The following ITLN2 variants were observed in gnomAD, a reference collection of about 807,000 sequenced individuals.
ITLN2 encodes intelectin-2.
Under a neutral mutation model 39.4 loss-of-function variants are expected in ITLN2, and 29 were observed. The ratio of observed to expected loss-of-function variants is 0.74; its 90% CI spans 0.55 to 1.00. The LOEUF (loss-of-function observed/expected upper bound fraction) is 1.00, where lower values mean the gene tolerates loss of function less well. Among genes scored for constraint, ITLN2 ranks in the 50% least tolerant of loss-of-function variants. ITLN2 has a pLI of 0.00. For synonymous variants in ITLN2, 156 were observed against 153.4 expected (o/e 1.02, Z -0.12); for missense variants, 412 against 416.7 (o/e 0.99, Z 0.10).
intron 6 of ITLN2, among the ~76,000 whole-genome samples, chr1:160,948,344 AG>A (rs1253562839): frequency 3.3e-5 from 5 of 152,238 alleles, no homozygotes; most frequent in Admixed American, 3.3e-4. Context: ...AGATCTGAGA[AG>A]GCCCAGCAGG....
rs770150397 is a variant in ITLN2 at position 160,945,209 on chromosome 1, A to G, written c.909T>C (p.Tyr303=). 4.4e-6 allele frequency: 7 copies of G among 1,608,220 alleles called. No homozygotes were observed. The Admixed American group carries it at 1.0e-4, about 24-fold the overall frequency. ...TGCAGCTGCTCTTAACGTGAGTTCCATATCCATCCCAGTCAAAGGCGGAGA... is the reference window on the plus strand; with the variant it reads ...TGCAGCTGCTCTTAACGTGAGTTCCGTATCCATCCCAGTCAAAGGCGGAGA... ...GDFSAFDWDG[Y]GTHVKSSCSR... is the part of the protein sequence containing the mutation. Residue 303 remains tyrosine (Y), a synonymous_variant, in exon 8 of 8, where the codon TAT becomes TAC. Transcript: ENST00000368029.
In ITLN2 at chr1:160,945,096, G is replaced by C. The variant is rs755728205; in HGVS notation, c.*44C>G. 3 of 1,518,728 alleles carry C rather than the reference G, an allele frequency of 2.0e-6. No individual in the cohort carries two copies. The Admixed American group carries it at 7.8e-5, about 40-fold the overall frequency. The allele number at this position is 1,518,728 out of a possible 1,614,324, so 94.1% of individuals were successfully genotyped here. The stretch of plus-strand genomic sequence containing the variant: ...CAGTTTTTCCGTCTCCAAATAGCCG[G>C]GGTTGGAAGATGGGTTCTCGCCCTG... On this transcript the variant is annotated 3_prime_UTR_variant, in exon 8 of 8. Transcript: ENST00000368029.
chr1:160,951,577 C>A, intron 3 of ITLN2: 1 of 331,086 alleles, frequency 3.0e-6, no homozygotes, highest in Non-Finnish European at 5.5e-6. Flanking sequence ...CCAGGAGAGG[C>A]CAGAAATCAG....
intron 7 of ITLN2, among the ~76,000 whole-genome samples, chr1:160,947,479 G>C (rs943353394): frequency 6.6e-6 from 1 of 152,126 alleles, no homozygotes; most frequent in South Asian, 2.1e-4. Flanking sequence ...GACCCTTTAC[G>C]GGTGTCAGGC....
intron 7 of ITLN2, among the ~76,000 whole-genome samples, 173 bp from the exon 8 acceptor site, chr1:160,945,465 G>A (rs1474126952): frequency 2.0e-5 from 3 of 152,172 alleles, no homozygotes; most frequent in Non-Finnish European, 2.9e-5. Context: ...GTATTTTAAA[G>A]TAGTAATGCA....
Position 160,950,658 on chromosome 1 carries a change from G to A in ITLN2, c.495C>T (p.Pro165=), listed in dbSNP as rs779414667. 6.2e-7 allele frequency: 1 copy of A among 1,614,170 alleles called. No individual in the cohort carries two copies. Among genetic ancestry groups the A allele is most frequent in the East Asian group, 2.2e-5 (1 of 44,886 alleles). ...QAKDLGIWHV[P]NKSPMQHWRN... ...TCCAATGCTGCATGGGGGACTTGTT[G>A]GGCACATGCCAGATGCCCAGGTCCT... Residue 165 remains proline (P), a synonymous_variant, in exon 5 of 8, where the codon CCC becomes CCT. Transcript: ENST00000368029.
At chr1:160,946,962 T>C (rs1417903859) in intron 7 of ITLN2, among the ~76,000 whole-genome samples, 1 of 151,898 alleles carries the variant, frequency 6.6e-6, no homozygotes, top group Non-Finnish European at 1.5e-5. Context: ...GATGAGAGAC[T>C]GAGAAAAGAA....
chr1:160,949,143 G>T (rs192989854), intron 6 of ITLN2: 1 of 150,650 alleles, frequency 6.6e-6, no homozygotes. Flanking sequence ...TGCTTTTGAC[G>T]TGCACATACA....
chr1:160,950,675 C>T lies in ITLN2; in HGVS notation c.478G>A (p.Gly160Ser). 1 of 1,614,088 alleles carries T rather than the reference C, an allele frequency of 6.2e-7. No individual in the cohort carries two copies. Among genetic ancestry groups the T allele is most frequent in the Non-Finnish European group, 8.5e-7 (1 of 1,179,982 alleles). The change falls in exon 5 of 8, where the codon GGC (glycine) becomes AGC (serine). Residue 160 changes from glycine (G) to serine (S), a missense_variant. Transcript: ENST00000368029. ...GACTTGTTGGGCACATGCCAGATGCCCAGGTCCTTGGCCTGGATGTCGTAG... is the reference window on the plus strand; with the variant it reads ...GACTTGTTGGGCACATGCCAGATGCTCAGGTCCTTGGCCTGGATGTCGTAG... ...GYYDIQAKDL[G>S]IWHVPNKSPM... is the part of the protein sequence containing the mutation.
chr1:160,947,104 T>G (rs1272905246), intron 7 of ITLN2, among the ~76,000 whole-genome samples: 1 of 152,144 alleles, frequency 6.6e-6, no homozygotes, highest in Non-Finnish European at 1.5e-5. Context: ...TTTACTATCT[T>G]AGTGAGGGGA....
Position 160,951,011 on chromosome 1 carries a change from C to T in ITLN2, c.441+32G>A, listed in dbSNP as rs540897547. The T allele has an allele frequency of 8.2e-5, 133 of 1,614,200 alleles. No homozygotes were observed. The South Asian group carries it at 1.1e-3, about 13-fold the overall frequency. ...TGGCCAGCCACACTCCACACCTCAC[C>T]CTCACCCAAGTAGGAGAGAAGTGGC... On this transcript the variant is annotated intron_variant, in intron 4 of 7. Transcript: ENST00000368029.
chr1:160,945,850 C>G (rs1281534929), intron 7 of ITLN2, among the ~76,000 whole-genome samples: 1 of 152,064 alleles, frequency 6.6e-6, no homozygotes, highest in African/African-American at 2.4e-5. Flanking sequence ...GTGGTGCTGT[C>G]TCCTACAAGA....
chr1:160,945,600 G>A lies in ITLN2; in HGVS notation c.826-308C>T, dbSNP rs145455966. Among the ~76,000 whole-genome samples the A allele has an allele frequency of 2.6e-3, 399 of 152,308 alleles. 3 individuals are homozygous for A. The highest frequency in any genetic ancestry group is 6.7e-3 in the African/African-American group (280 of 41,558). Reference sequence around the variant, plus strand: ...GTCCACCCCCACTGCCCACGTGGTCGTCATCCTCCGAATTCTAATCTGCGA... The same window carrying A: ...GTCCACCCCCACTGCCCACGTGGTCATCATCCTCCGAATTCTAATCTGCGA... On this transcript the variant is annotated intron_variant, in intron 7 of 7. Transcript: ENST00000368029.
In ITLN2 at chr1:160,947,964, C is replaced by A; in HGVS notation, c.790G>T (p.Ala264Ser). The A allele has an allele frequency of 6.2e-7, 1 of 1,614,066 alleles. No individual in the cohort carries two copies. The highest frequency in any genetic ancestry group is 8.5e-7 in the Non-Finnish European group (1 of 1,180,002). The change falls in exon 7 of 8, where the codon GCT becomes TCT. Residue 264 changes from alanine (A) to serine (S), a missense_variant. Transcript: ENST00000368029. ...TTACAGCCAGTAACTTTTATCCCAG[C>A]ACAAAGGGCGTTGGCTGCTCTCTCG... ...NNERAANALC[A>S]GIKVTGCNTE...
At position 160,945,229 on chromosome 1, in the gene ITLN2, C is replaced by T. The variant is rs149928906; in HGVS notation, c.889G>A (p.Ala297Thr). ...GTTCCATATCCATCCCAGTCAAAGG[C>T]GGAGAAGTCCCCACACTGACGGGGT... Reference protein sequence around the residue: ...GKPRQCGDFSAFDWDGYGTHV... With the variant: ...GKPRQCGDFSTFDWDGYGTHV... Residue 297 changes from alanine to threonine, a missense_variant, in exon 8 of 8, where the codon GCC becomes ACC. Physicochemically the swap from Ala to Thr is moderately conservative, Grantham distance 58. Coordinates refer to ENST00000368029, the MANE Select transcript of ITLN2 (RefSeq NM_080878.3). The T allele has an allele frequency of 2.5e-3, 3,963 of 1,607,060 alleles. 11 individuals are homozygous for T. The highest frequency in any genetic ancestry group is 3.0e-3 in the Non-Finnish European group (3,578 of 1,178,258).
chr1:160,951,369 G>A (rs1416828589), intron 3 of ITLN2, 79 bp from the exon 4 acceptor site: 2 of 1,512,616 alleles, frequency 1.3e-6, no homozygotes, highest in Non-Finnish European at 1.8e-6. Flanking sequence ...AAAAGCCCTA[G>A]GAAGTCAAAA....
rs749355548 is a variant in ITLN2 at position 160,954,786 on chromosome 1, C to G, written c.-45G>C. The G allele has an allele frequency of 3.1e-6, 5 of 1,608,600 alleles. No homozygotes were observed. Among genetic ancestry groups the G allele is most frequent in the Admixed American group, 1.7e-5 (1 of 59,854 alleles). On this transcript the variant is annotated 5_prime_UTR_variant, in exon 1 of 8. Coordinates refer to ENST00000368029, the MANE Select transcript of ITLN2 (RefSeq NM_080878.3). The stretch of plus-strand genomic sequence containing the variant: ...TGATAGTTCCCTTCCTGTGGACACT[C>G]GGAGCTCCCCTGCAGAGGATCCTGA...
At chr1:160,947,852 T>C in intron 7 of ITLN2, 77 bp downstream of exon 7, 1 of 1,027,104 alleles carries the variant, frequency 9.7e-7, no homozygotes, top group Non-Finnish European at 1.5e-6. Flanking sequence ...GTCTTCCTTT[T>C]CTACATAGAC....
chr1:160,952,553 A>G (rs1570976334), intron 3 of ITLN2, 67 bp downstream of exon 3: 3 of 1,099,628 alleles, frequency 2.7e-6, no homozygotes, highest in Middle Eastern at 3.9e-4. Context: ...CCTGATTTCC[A>G]TGACTGGGCT....
Sources: gnomAD v4.1 joint callset for allele counts (sites outside exome capture counted in the v4.1 genomes callset) on GRCh38, gnomAD v4.1.1 for gene constraint, MANE v1.5 for transcripts, NCBI Gene and HGNC (gene_info 2026-07-23, HGNC 2026-07-21) for gene names.